Variants in NELL1 observed in about 807,000 individuals in gnomAD.
NELL1 encodes the protein protein kinase C-binding protein NELL1.
A neutral mutation model predicts 107.4 loss-of-function variants in NELL1; 76 were observed. The observed-to-expected ratio is 0.71, with a 90% CI of 0.59 to 0.86. The LOEUF (loss-of-function observed/expected upper bound fraction) is 0.86. NELL1 is among the 40% of genes least tolerant of loss of function. NELL1 has a pLI of 0.00. For missense variants in NELL1, 1,024 were observed against 1,005.5 expected, an observed-to-expected ratio of 1.02 and a Z score of -0.25; for synonymous variants, 353 against 341.2, an observed-to-expected ratio of 1.03 and a Z score of -0.38.
At chr11:21,205,460 G>A (rs1245801340) in intron 13 of NELL1, among the ~76,000 whole-genome samples, 5 of 152,180 alleles carry the variant, frequency 3.3e-5, no homozygotes, top group Admixed American at 6.5e-5. Context: ...AATGGCAGAC[G>A]GCATTCCCCC....
At chr11:21,221,095 C>G (rs1053091544) in intron 13 of NELL1, among the ~76,000 whole-genome samples, 2 of 152,078 alleles carry the variant, frequency 1.3e-5, no homozygotes, top group Non-Finnish European at 2.9e-5. Context: ...TTGAATTTTA[C>G]CAAATGCTTT....
At chr11:21,302,973 A>T (rs1408590840) in intron 14 of NELL1, among the ~76,000 whole-genome samples, 1 of 151,808 alleles carries the variant, frequency 6.6e-6, no homozygotes, top group African/African-American at 2.4e-5. Context: ...AAGCGGGAGG[A>T]TCACTGGGGC....
chr11:21,258,444 A>G (rs533988572), intron 14 of NELL1, among the ~76,000 whole-genome samples: 41 of 152,160 alleles, frequency 2.7e-4, no homozygotes, highest in Middle Eastern at 3.4e-3. Context: ...AATAATTATG[A>G]TATTATGTAT....
At chr11:20,955,209 G>T (rs1851146372) in intron 11 of NELL1, among the ~76,000 whole-genome samples, 1 of 152,180 alleles carries the variant, frequency 6.6e-6, no homozygotes, top group Non-Finnish European at 1.5e-5. Flanking sequence ...TTATAGAAGT[G>T]TTGTCAACTG....
At chr11:20,828,806 A>T (rs548272664) in intron 3 of NELL1, among the ~76,000 whole-genome samples, 1 of 152,334 alleles carries the variant, frequency 6.6e-6, no homozygotes, top group Admixed American at 6.5e-5. Context: ...TGTGACAGGT[A>T]GAAGGTGGAT....
chr11:21,245,262 T>C (rs1444106422), intron 14 of NELL1, among the ~76,000 whole-genome samples: 1 of 152,168 alleles, frequency 6.6e-6, no homozygotes, highest in Non-Finnish European at 1.5e-5. Flanking sequence ...GTTAAATGCA[T>C]GAGGCTTTGG....
intron 15 of NELL1, among the ~76,000 whole-genome samples, chr11:21,410,250 C>T (rs1365613726): frequency 3.3e-5 from 5 of 152,036 alleles, no homozygotes; most frequent in Admixed American, 3.3e-4. Context: ...GTCTACAGTG[C>T]ATCAAGTATT....
chr11:21,089,725 A>G (rs1253026791), intron 12 of NELL1, among the ~76,000 whole-genome samples: 1 of 152,196 alleles, frequency 6.6e-6, no homozygotes, highest in Non-Finnish European at 1.5e-5. Context: ...CAATCATTCT[A>G]TAGGGTGCGA....
chr11:20,692,987 A>G (rs1190959081), intron 2 of NELL1, among the ~76,000 whole-genome samples: 8 of 152,068 alleles, frequency 5.3e-5, no homozygotes, highest in African/African-American at 9.7e-5. Context: ...GGGTGCATAT[A>G]TATTTAGGAT....
At chr11:21,442,843 G>C (rs1157293060) in intron 15 of NELL1, among the ~76,000 whole-genome samples, 1 of 150,746 alleles carries the variant, frequency 6.6e-6, no homozygotes, top group Non-Finnish European at 1.5e-5. Flanking sequence ...TAAACACAAT[G>C]AATATGCATC....
intron 14 of NELL1, among the ~76,000 whole-genome samples, chr11:21,365,498 C>T (rs1200713607): frequency 6.6e-6 from 1 of 152,104 alleles, no homozygotes; most frequent in Non-Finnish European, 1.5e-5. Context: ...ACTGCAGTGC[C>T]TGGCATTTGA....
chr11:20,681,727 A>G (rs1854194133), intron 2 of NELL1, among the ~76,000 whole-genome samples: 1 of 152,048 alleles, frequency 6.6e-6, no homozygotes, highest in African/African-American at 2.4e-5. Context: ...TTCAAAAAAG[A>G]GATTTATGGG....
At chr11:20,961,162 C>T (rs1433582682) in intron 12 of NELL1, among the ~76,000 whole-genome samples, 9 of 152,156 alleles carry the variant, frequency 5.9e-5, no homozygotes, top group African/African-American at 2.2e-4. Context: ...CACATTTCTG[C>T]TCTAGAGAAA....
At chr11:21,313,528 T>C (rs1187251584) in intron 14 of NELL1, among the ~76,000 whole-genome samples, 2 of 152,174 alleles carry the variant, frequency 1.3e-5, no homozygotes, top group Non-Finnish European at 2.9e-5. Context: ...TGTCACCTAC[T>C]GTCTTAGTCC....
chr11:21,189,636 G>T lies in NELL1; in HGVS notation c.1427-39696G>T, dbSNP rs537310454. On this transcript the variant is annotated intron_variant, in intron 13 of 19. Transcript: ENST00000357134. ...TTGTATCACCTTTCTTAAGATTAGT[G>T]GGTGCCAGTTACCCTGAAATATTTT... 4.7e-5 allele frequency among the ~76,000 whole-genome samples: 7 copies of T among 150,066 alleles called. No individual in the cohort carries two copies. In the East Asian group the frequency reaches 7.8e-4, roughly 17 times the overall value.
At chr11:21,277,650 A>C (rs1170790759) in intron 14 of NELL1, among the ~76,000 whole-genome samples, 1 of 152,230 alleles carries the variant, frequency 6.6e-6, no homozygotes, top group Non-Finnish European at 1.5e-5. Flanking sequence ...GAACCAAGCC[A>C]AATACCCATC....
chr11:21,427,154 C>T (rs1308384481), intron 15 of NELL1, among the ~76,000 whole-genome samples: 2 of 152,180 alleles, frequency 1.3e-5, no homozygotes, highest in Non-Finnish European at 2.9e-5. Flanking sequence ...GGCATCTCTG[C>T]ATTTTTTCAT....
chr11:20,829,460 T>G (rs1419267515), intron 3 of NELL1, among the ~76,000 whole-genome samples: 1 of 151,964 alleles, frequency 6.6e-6, no homozygotes, highest in Non-Finnish European at 1.5e-5. Flanking sequence ...ATGCCTGACC[T>G]CATGATCCAC....
intron 12 of NELL1, among the ~76,000 whole-genome samples, chr11:21,096,121 T>C (rs550478088): frequency 6.6e-6 from 1 of 152,286 alleles, no homozygotes; most frequent in African/African-American, 2.4e-5. Flanking sequence ...CCAAGCCATA[T>C]CAGTTGCCTT....
Sources: allele counts gnomAD v4.1 joint callset (sites outside exome capture counted in the v4.1 genomes callset), GRCh38; gene constraint gnomAD v4.1.1; transcripts MANE v1.5; gene names NCBI Gene and HGNC (gene_info 2026-07-23, HGNC 2026-07-21).